The following MEI4 variants were observed in gnomAD, a reference collection of about 807,000 sequenced individuals.
The protein encoded by MEI4 is meiotic double-stranded break formation protein 4, also known as meiosis-specific protein MEI4.
In MEI4, 27 loss-of-function variants were observed where a neutral mutation model predicts 31.4. The observed-to-expected ratio is 0.86, with a 90% CI of 0.63 to 1.19. The LOEUF is 1.19. MEI4 is among the 50% of genes most tolerant of loss of function. MEI4 has a pLI of 0.00. For missense variants in MEI4, 329 were observed against 398.9 expected (o/e 0.82, Z 1.49); for synonymous variants, 122 against 145.4 (o/e 0.84, Z 1.16).
intron 2 of MEI4, among the ~76,000 whole-genome samples, chr6:77,738,616 GA>G (rs35705070): frequency 0.15 from 22,638 of 152,114 alleles, 2,039 homozygotes; most frequent in East Asian, 0.4. Context: ...TCAGTAATGG[GA>G]TTTCTGGGTC....
chr6:77,907,978 G>A (rs866252046), intron 4 of MEI4, among the ~76,000 whole-genome samples: 7 of 147,140 alleles, frequency 4.8e-5, no homozygotes, highest in East Asian at 4.0e-4. Context: ...TATCCTTCAC[G>A]CACTTGTTGA....
intron 4 of MEI4, among the ~76,000 whole-genome samples, chr6:77,849,660 C>T (rs757856272): frequency 2.6e-5 from 4 of 151,982 alleles, no homozygotes; most frequent in East Asian, 1.9e-4. Context: ...GAAGAAAAAC[C>T]GATTCTTTCC....
At chr6:77,824,909 C>G (rs1280516325) in intron 3 of MEI4, among the ~76,000 whole-genome samples, 1 of 152,052 alleles carries the variant, frequency 6.6e-6, no homozygotes. Context: ...GAAAAAGAAT[C>G]GTTCTTCATT....
intron 1 of MEI4, among the ~76,000 whole-genome samples, chr6:77,655,194 T>TG (rs1382393042): frequency 3.3e-5 from 5 of 152,176 alleles, no homozygotes; most frequent in Admixed American, 3.3e-4. Context: ...CTGAGAATGG[T>TG]GGTTTCCAGC....
intron 4 of MEI4, among the ~76,000 whole-genome samples, chr6:77,858,428 TGA>T (rs1351541047): frequency 6.6e-6 from 1 of 152,172 alleles, no homozygotes; most frequent in East Asian, 1.9e-4. Context: ...TTAAATTATT[TGA>T]GTTATTTTGT....
Position 77,789,066 on chromosome 6 carries a change from A to G in MEI4, c.768+27401A>G, listed in dbSNP as rs539020150. ...GGTACCAAAGCAGAGATGTAGACCA[A>G]TGGAACCAGAACAGAGCCCTCAGAA... is the stretch of plus-strand genomic sequence containing the variant. On this transcript the variant is annotated intron_variant, in intron 3 of 4. Transcript: ENST00000684080. Among the ~76,000 whole-genome samples the G allele has an allele frequency of 4.6e-5, 7 of 152,334 alleles. No homozygotes were observed. In the East Asian group the frequency reaches 1.2e-3, roughly 25 times the overall value.
intron 4 of MEI4, among the ~76,000 whole-genome samples, chr6:77,882,650 C>A (rs1208664071): frequency 6.6e-6 from 1 of 152,120 alleles, no homozygotes; most frequent in Admixed American, 6.6e-5. Flanking sequence ...GTATCAGTGA[C>A]TTTCCTGCGC....
chr6:77,831,595 C>T (rs1770083829), intron 4 of MEI4, among the ~76,000 whole-genome samples: 1 of 151,514 alleles, frequency 6.6e-6, no homozygotes, highest in South Asian at 2.1e-4. Context: ...AATGAAATCT[C>T]ATCATTTGCA....
intron 4 of MEI4, among the ~76,000 whole-genome samples, chr6:77,840,747 C>T (rs1474745405): frequency 2.0e-5 from 3 of 151,876 alleles, no homozygotes; most frequent in African/African-American, 2.4e-5. Context: ...TTGTAATTAC[C>T]CATCTATTTC....
At chr6:77,680,305 G>T (rs552086722) in intron 1 of MEI4, among the ~76,000 whole-genome samples, 1 of 151,492 alleles carries the variant, frequency 6.6e-6, no homozygotes, top group African/African-American at 2.4e-5. Flanking sequence ...AAAATAAAAG[G>T]TCTTCTAGTA....
intron 2 of MEI4, among the ~76,000 whole-genome samples, chr6:77,715,771 C>G (rs989181103): frequency 6.6e-6 from 1 of 152,034 alleles, no homozygotes; most frequent in Non-Finnish European, 1.5e-5. Flanking sequence ...CATAACAAGC[C>G]TATAGTTAGT....
chr6:77,805,485 G>A (rs1769406281), intron 3 of MEI4, among the ~76,000 whole-genome samples: 1 of 152,018 alleles, frequency 6.6e-6, no homozygotes, highest in African/African-American at 2.4e-5. Flanking sequence ...GAACATTATT[G>A]CTCAAGGTCT....
At chr6:77,670,929 T>G (rs969386003) in intron 1 of MEI4, among the ~76,000 whole-genome samples, 1 of 152,150 alleles carries the variant, frequency 6.6e-6, no homozygotes, top group Non-Finnish European at 1.5e-5. Context: ...AGCCGGTGAT[T>G]TATAAATAAA....
intron 3 of MEI4, among the ~76,000 whole-genome samples, chr6:77,815,216 T>C (rs1342769726): frequency 1.3e-5 from 2 of 152,102 alleles, no homozygotes; most frequent in Non-Finnish European, 2.9e-5. Context: ...ACAGGCTTTC[T>C]TTCTTCTGAG....
chr6:77,860,059 A>C (rs116960043), intron 4 of MEI4, among the ~76,000 whole-genome samples: 1,865 of 152,284 alleles, frequency 0.012, 12 homozygotes, highest in Non-Finnish European at 0.021. Flanking sequence ...GATTTCCAAA[A>C]TTCATTTCAC....
At chr6:77,874,732 G>A (rs986063819) in intron 4 of MEI4, among the ~76,000 whole-genome samples, 1 of 152,068 alleles carries the variant, frequency 6.6e-6, no homozygotes, top group Non-Finnish European at 1.5e-5. Flanking sequence ...GTATGATATT[G>A]GCTGTGGGTT....
At chr6:77,651,328 G>T (rs569833976), upstream of MEI4, among the ~76,000 whole-genome samples, 1 of 152,336 alleles carries the variant, frequency 6.6e-6, no homozygotes, top group South Asian at 2.1e-4. Context: ...CAGGAATTAA[G>T]TCTGGAGGAA....
At chr6:77,781,677 G>C (rs533668217) in intron 3 of MEI4, among the ~76,000 whole-genome samples, 1 of 152,064 alleles carries the variant, frequency 6.6e-6, no homozygotes, top group Non-Finnish European at 1.5e-5. Context: ...ATCCAGGAAA[G>C]GTATTTTATT....
intron 4 of MEI4, among the ~76,000 whole-genome samples, chr6:77,918,673 G>C (rs1218059512): frequency 6.6e-6 from 1 of 151,892 alleles, no homozygotes; most frequent in Non-Finnish European, 1.5e-5. Context: ...TTTGGGCTGA[G>C]ACAATGGGGT....
Sources: gnomAD v4.1 joint callset for allele counts (sites outside exome capture counted in the v4.1 genomes callset) on GRCh38, gnomAD v4.1.1 for gene constraint, MANE v1.5 for transcripts, NCBI Gene and HGNC (gene_info 2026-07-23, HGNC 2026-07-21) for gene names.